Variants in MS4A4E observed in about 807,000 individuals in gnomAD.
MS4A4E encodes membrane spanning 4-domains A4E.
Under a neutral mutation model 13.3 loss-of-function variants are expected in MS4A4E, and 23 were observed. That is an observed-to-expected ratio of 1.73 (90% CI 1.25 to 2.45). The LOEUF (loss-of-function observed/expected upper bound fraction) is 2.45, where lower values mean the gene tolerates loss of function less well. Among genes scored for constraint, MS4A4E ranks in the 30% most tolerant of loss-of-function variants. MS4A4E has a pLI of 0.00. For missense variants in MS4A4E, 144 were observed against 131.2 expected (o/e 1.10, Z -0.48); for synonymous variants, 36 against 45.6 (o/e 0.79, Z 0.85).
chr11:60,220,303 G>C (rs1435644747), intron 3 of MS4A4E, among the ~76,000 whole-genome samples: 1 of 152,216 alleles, frequency 6.6e-6, no homozygotes, highest in African/African-American at 2.4e-5. Flanking sequence ...TGCTGTACCA[G>C]ATGTGGTTTC....
chr11:60,231,995 C>A (rs1247598100), intron 1 of MS4A4E, among the ~76,000 whole-genome samples: 3 of 151,808 alleles, frequency 2.0e-5, no homozygotes, highest in Non-Finnish European at 4.4e-5. Flanking sequence ...AAAAGTGACA[C>A]AATATGTTTG....
At chr11:60,220,926 G>T (rs909547966) in intron 3 of MS4A4E, among the ~76,000 whole-genome samples, 4 of 152,182 alleles carry the variant, frequency 2.6e-5, no homozygotes, top group Non-Finnish European at 5.9e-5. Flanking sequence ...ACAGGAGAAG[G>T]CTCTGCAACA....
intron 4 of MS4A4E, among the ~76,000 whole-genome samples, chr11:60,214,110 T>C (rs1329470109): frequency 6.6e-6 from 1 of 152,146 alleles, no homozygotes; most frequent in Non-Finnish European, 1.5e-5. Flanking sequence ...TTCACCATGT[T>C]GGCCAGGCTG....
chr11:60,200,978 C>T lies in MS4A4E; in HGVS notation c.*565G>A, dbSNP rs1479195735. The stretch of plus-strand genomic sequence containing the variant: ...CTGGCCGGGTGGGGGGCTGAACCCC[C>T]CACCTCCCTCCCGGACGGGGCGGCT... On this transcript the variant is annotated 3_prime_UTR_variant, in exon 9 of 9. Coordinates refer to ENST00000651255, the MANE Select transcript of MS4A4E (RefSeq NM_001393391.1). Among the ~76,000 whole-genome samples, 1 of 148,096 alleles carries T rather than the reference C, an allele frequency of 6.8e-6. No homozygotes were observed. Among genetic ancestry groups the T allele is most frequent in the Non-Finnish European group, 1.5e-5 (1 of 66,688 alleles).
At chr11:60,230,103 C>T (rs2134962457) in intron 1 of MS4A4E, 32 bp from the exon 2 acceptor site, 1 of 1,539,424 alleles carries the variant, frequency 6.5e-7, no homozygotes, top group East Asian at 2.4e-5. Context: ...AGGATGAGGT[C>T]CTGGAAATGA....
At chr11:60,237,042 C>T (rs970256071) in intron 1 of MS4A4E, among the ~76,000 whole-genome samples, 2 of 152,086 alleles carry the variant, frequency 1.3e-5, no homozygotes, top group African/African-American at 4.8e-5. Flanking sequence ...AACCATATCA[C>T]CCATGTTTTA....
chr11:60,216,593 G>T (rs1210607079), intron 3 of MS4A4E, among the ~76,000 whole-genome samples: 1 of 150,516 alleles, frequency 6.6e-6, no homozygotes, highest in African/African-American at 2.4e-5. Flanking sequence ...ATTGACATTG[G>T]TAATATATAT....
Position 60,230,058 on chromosome 11 carries a change from C to A in MS4A4E, c.-3G>T, listed in dbSNP as rs1353539814. On this transcript the variant is annotated 5_prime_UTR_variant, in exon 2 of 9. Coordinates refer to ENST00000651255, the MANE Select transcript of MS4A4E (RefSeq NM_001393391.1). ...TCCATTCCTTGCATGGTTGTCATGG[C>A]AGCAGAAAAGGTGCTACAATAAGAA... The A allele has an allele frequency of 1.3e-6, 2 of 1,580,702 alleles. No individual in the cohort carries two copies. Among genetic ancestry groups the A allele is most frequent in the Non-Finnish European group, 1.7e-6 (2 of 1,167,858 alleles).
chr11:60,226,873 G>C (rs1426795460), intron 3 of MS4A4E, among the ~76,000 whole-genome samples: 1 of 152,032 alleles, frequency 6.6e-6, no homozygotes, highest in Non-Finnish European at 1.5e-5. Flanking sequence ...GTGATTGTCT[G>C]TGTAGAATAT....
intron 1 of MS4A4E, among the ~76,000 whole-genome samples, chr11:60,234,892 A>AG (rs541898743): frequency 6.6e-6 from 1 of 151,706 alleles, no homozygotes; most frequent in South Asian, 2.1e-4. Context: ...TAAAAAAAAA[A>AG]ACAGATCTAT....
rs768656888 is a variant in MS4A4E at position 60,229,992 on chromosome 11, C to T, written c.64G>A (p.Gly22Arg). ...TATGAATGTATGACATCTATGTTTCCCAGCTGGGGCACATCAGGGCCAGCC... is the reference window on the plus strand; with the variant it reads ...TATGAATGTATGACATCTATGTTTCTCAGCTGGGGCACATCAGGGCCAGCC... ...PGAGPDVPQL[G>R]NIDVIHSYLC... Residue 22 changes from glycine (G) to arginine (R), a missense_variant, in exon 2 of 9, where the codon GGA becomes AGA. Gly to Arg is a moderately radical substitution (Grantham distance 125). This residue lies in a region of MS4A4E where 119 missense variants were observed against 88.7 expected (regional missense o/e 1.34). Coordinates refer to ENST00000651255, the MANE Select transcript of MS4A4E (RefSeq NM_001393391.1). The T allele has an allele frequency of 2.1e-5, 34 of 1,613,398 alleles. No homozygotes were observed. In the African/African-American group the frequency reaches 2.5e-4, roughly 12 times the overall value.
At chr11:60,234,798 A>T (rs987509374) in intron 1 of MS4A4E, among the ~76,000 whole-genome samples, 1 of 147,564 alleles carries the variant, frequency 6.8e-6, no homozygotes, top group African/African-American at 2.5e-5. Flanking sequence ...CAAAATAACA[A>T]AATGGCACTA....
At chr11:60,232,829 G>T (rs2084429587) in intron 1 of MS4A4E, among the ~76,000 whole-genome samples, 1 of 152,088 alleles carries the variant, frequency 6.6e-6, no homozygotes, top group African/African-American at 2.4e-5. Context: ...TGCACACGTG[G>T]AAGCCATTCC....
At chr11:60,240,918 T>C (rs1018825706) in intron 1 of MS4A4E, among the ~76,000 whole-genome samples, 1 of 152,260 alleles carries the variant, frequency 6.6e-6, no homozygotes, top group African/African-American at 2.4e-5. Flanking sequence ...CTATGTTATT[T>C]TCCTTTTACA....
intron 3 of MS4A4E, among the ~76,000 whole-genome samples, chr11:60,223,660 C>T (rs2084302279): frequency 6.6e-6 from 1 of 152,192 alleles, no homozygotes; most frequent in African/African-American, 2.4e-5. Flanking sequence ...ATCTACTCAG[C>T]TGCCAGTGTG....
chr11:60,228,949 A>G (rs892841563), intron 2 of MS4A4E, among the ~76,000 whole-genome samples: 5 of 152,250 alleles, frequency 3.3e-5, no homozygotes, highest in African/African-American at 1.2e-4. Flanking sequence ...GTATGATACT[A>G]TAAAGGTAGA....
intron 3 of MS4A4E, among the ~76,000 whole-genome samples, chr11:60,217,777 C>G (rs1358738230): frequency 6.6e-6 from 1 of 152,186 alleles, no homozygotes; most frequent in Non-Finnish European, 1.5e-5. Flanking sequence ...TTACTTTCAT[C>G]TCTTAATCCT....
rs2134982008 is a variant in MS4A4E, at chr11:60,243,080, A to G, written c.-139T>C. 6.3e-6 allele frequency: 5 copies of G among 798,764 alleles called. No homozygotes were observed. In the South Asian group the frequency reaches 6.5e-5, roughly 10 times the overall value. 49.5% of individuals were successfully genotyped at this position (798,764 alleles called of 1,614,324 possible). On this transcript the variant is annotated 5_prime_UTR_variant, in exon 1 of 9. Coordinates refer to ENST00000651255, the MANE Select transcript of MS4A4E (RefSeq NM_001393391.1). Reference sequence around the variant, plus strand: ...CCACTCCACACCTCACTCAGTTTAAATCTGCACTCCTTTTCTAGTAGATGT... The same window carrying G: ...CCACTCCACACCTCACTCAGTTTAAGTCTGCACTCCTTTTCTAGTAGATGT...
intron 1 of MS4A4E, among the ~76,000 whole-genome samples, chr11:60,235,484 G>A (rs2134970963): frequency 6.6e-6 from 1 of 152,280 alleles, no homozygotes; most frequent in South Asian, 2.1e-4. Context: ...CCTTCTTAGG[G>A]TTCCTGTTCC....
Sources: gnomAD v4.1 joint callset for allele counts (sites outside exome capture counted in the v4.1 genomes callset) on GRCh38, gnomAD v4.1.1 for gene constraint, gnomAD v4.1.1 regional missense constraint, MANE v1.5 for transcripts, NCBI Gene and HGNC (gene_info 2026-07-23, HGNC 2026-07-21) for gene names.